Variants in NDRG3 observed in about 807,000 individuals in gnomAD.
The protein encoded by NDRG3 is NDRG family member 3.
NDRG3 carries 23 observed loss-of-function variants against 57.2 expected under a neutral mutation model. The observed-to-expected ratio is 0.40, with a 90% CI of 0.29 to 0.57. NDRG3 has a LOEUF of 0.57. NDRG3 is among the 20% of genes least tolerant of loss of function. The pLI, the probability that NDRG3 is intolerant of heterozygous loss-of-function variation, is 0.42. For missense variants in NDRG3, 384 were observed against 457.3 expected (o/e 0.84, Z 1.46); for synonymous variants, 132 against 162.6 (o/e 0.81, Z 1.43).
At chr20:36,710,088 G>C (rs1456392225) in intron 2 of NDRG3, among the ~76,000 whole-genome samples, 1 of 152,144 alleles carries the variant, frequency 6.6e-6, no homozygotes, top group Non-Finnish European at 1.5e-5. Flanking sequence ...GGGAGGCTGA[G>C]GCAGGCAGAT....
chr20:36,738,065 A>C (rs1021649537), intron 1 of NDRG3, among the ~76,000 whole-genome samples: 1 of 151,250 alleles, frequency 6.6e-6, no homozygotes, highest in Non-Finnish European at 1.5e-5. Context: ...TCTGTCTCAA[A>C]AAAAAAAAAA....
intron 1 of NDRG3, among the ~76,000 whole-genome samples, chr20:36,722,517 C>T (rs970844010): frequency 1.2e-4 from 18 of 152,068 alleles, no homozygotes; most frequent in Non-Finnish European, 1.3e-4. Flanking sequence ...TTACTGAAGA[C>T]GGATAAAGAA....
intron 1 of NDRG3, among the ~76,000 whole-genome samples, chr20:36,745,054 T>G (rs1043222030): frequency 6.6e-6 from 1 of 151,352 alleles, no homozygotes; most frequent in Admixed American, 6.6e-5. Context: ...AAAGGAAAGC[T>G]TCCCTGCTTC....
chr20:36,656,861 G>A (rs1315775932), intron 13 of NDRG3, among the ~76,000 whole-genome samples: 1 of 152,184 alleles, frequency 6.6e-6, no homozygotes, highest in East Asian at 1.9e-4. Context: ...CTCGAACAGT[G>A]TGACCCTAAC....
At chr20:36,738,459 C>T (rs930352036) in intron 1 of NDRG3, among the ~76,000 whole-genome samples, 6 of 151,574 alleles carry the variant, frequency 4.0e-5, no homozygotes, top group Non-Finnish European at 1.5e-5. Context: ...CACACCACTT[C>T]ACCACTTCAC....
chr20:36,695,879 C>T (rs1024862111), intron 3 of NDRG3, among the ~76,000 whole-genome samples: 7 of 152,138 alleles, frequency 4.6e-5, no homozygotes, highest in African/African-American at 1.7e-4. Flanking sequence ...TACTCCCTCC[C>T]CTTTGAAAAT....
At chr20:36,691,896 T>C (rs908882072) in intron 3 of NDRG3, among the ~76,000 whole-genome samples, 4 of 152,146 alleles carry the variant, frequency 2.6e-5, no homozygotes, top group South Asian at 2.1e-4. Context: ...CTGGTCTGAG[T>C]TGTGGGGATA....
intron 2 of NDRG3, among the ~76,000 whole-genome samples, chr20:36,714,443 CTTTT>C (rs775474273): frequency 1.6e-5 from 2 of 124,822 alleles, no homozygotes. Context: ...TCATTTTCTT[CTTTT>C]TTTTTTTTTT....
intron 2 of NDRG3, among the ~76,000 whole-genome samples, chr20:36,714,205 G>C (rs1243942782): frequency 6.6e-6 from 1 of 151,768 alleles, no homozygotes; most frequent in Non-Finnish European, 1.5e-5. Context: ...CCTGCCAAGA[G>C]ACCAGCCTGG....
chr20:36,671,505 CA>C (rs1345875755), intron 8 of NDRG3, 108 bp from the exon 9 acceptor site: 1 of 847,094 alleles, frequency 1.2e-6, no homozygotes, highest in Non-Finnish European at 1.9e-6. Flanking sequence ...TCTTTAAAAA[CA>C]AATGAAAAAC....
At chr20:36,697,376 T>G (rs968555602) in intron 3 of NDRG3, among the ~76,000 whole-genome samples, 1 of 152,134 alleles carries the variant, frequency 6.6e-6, no homozygotes, top group African/African-American at 2.4e-5. Context: ...TGGCAGGTTT[T>G]TTCCCCCCCA....
chr20:36,707,975 T>C (rs1983642555), intron 2 of NDRG3, among the ~76,000 whole-genome samples: 1 of 151,896 alleles, frequency 6.6e-6, no homozygotes, highest in African/African-American at 2.4e-5. Flanking sequence ...TCCCAGCTAC[T>C]TGGGAGGCCG....
rs1196219994 is a variant in NDRG3 at position 36,712,583 on chromosome 20, ATATATTTTTTTT to A, written c.58-5588_58-5577del. 4.6e-4 allele frequency among the ~76,000 whole-genome samples: 5 copies of A among 10,926 alleles called. No homozygotes were observed. In the South Asian group the frequency reaches 0.017, roughly 38 times the overall value. The allele number at this position is 10,926 out of a possible 152,430, so 7.2% of individuals were successfully genotyped here. A position where few individuals can be genotyped will look rare whatever the true frequency, so the allele number is the denominator to read the frequency against. The stretch of plus-strand genomic sequence containing the variant: ...GCTATATATATATATATATATATAT[ATATATTTTTTTT>A]TTTTTTTTTTTTTTTTTTGAGACGG... On this transcript the variant is annotated intron_variant, in intron 2 of 15. Coordinates refer to ENST00000349004, the MANE Select transcript of NDRG3 (RefSeq NM_032013.4).
At chr20:36,714,966 A>G (rs1231278857) in intron 2 of NDRG3, among the ~76,000 whole-genome samples, 1 of 133,900 alleles carries the variant, frequency 7.5e-6, no homozygotes, top group Admixed American at 8.2e-5. Flanking sequence ...CAGGGATAAG[A>G]ATGAAAATCC....
At chr20:36,682,383 G>A in intron 7 of NDRG3, 135 bp downstream of exon 7, 1 of 644,686 alleles carries the variant, frequency 1.6e-6, no homozygotes, top group Non-Finnish European at 2.7e-6. Flanking sequence ...TATACAACCT[G>A]TATCTAAAGC....
At chr20:36,734,898 T>G (rs1301309862) in intron 1 of NDRG3, among the ~76,000 whole-genome samples, 3 of 152,052 alleles carry the variant, frequency 2.0e-5, no homozygotes, top group Non-Finnish European at 4.4e-5. Flanking sequence ...CACTGCAGCT[T>G]GTGGGTGCTG....
intron 3 of NDRG3, among the ~76,000 whole-genome samples, chr20:36,703,834 A>G (rs1489352869): frequency 1.3e-5 from 2 of 152,190 alleles, no homozygotes. Context: ...TACCCAAAGT[A>G]TCAAGAATTT....
chr20:36,739,713 G>A (rs373265468), intron 1 of NDRG3, among the ~76,000 whole-genome samples: 13 of 151,910 alleles, frequency 8.6e-5, no homozygotes, highest in African/African-American at 3.1e-4. Flanking sequence ...ATGAGGTCAG[G>A]AGATCGAGAC....
chr20:36,697,966 T>TC lies in NDRG3; in HGVS notation c.93+9005_93+9006insG, dbSNP rs1461262099. On this transcript the variant is annotated intron_variant, in intron 3 of 15. Transcript: ENST00000349004. ...TTTGCGAGTTTTTTTCTTTTTTCTT[T>TC]TTTTTTTTTTTTTTTTTGAGACAGA... Among the ~76,000 whole-genome samples the TC allele has an allele frequency of 4.1e-3, 590 of 144,144 alleles. 5 individuals carry two copies. Among genetic ancestry groups the TC allele is most frequent in the African/African-American group, 0.014 (561 of 38,912 alleles). The allele number at this position is 144,144 out of a possible 152,430, so 94.6% of individuals were successfully genotyped here.
Sources: gnomAD v4.1 joint callset for allele counts (sites outside exome capture counted in the v4.1 genomes callset) on GRCh38, gnomAD v4.1.1 for gene constraint, MANE v1.5 for transcripts, NCBI Gene and HGNC (gene_info 2026-07-23, HGNC 2026-07-21) for gene names.